PRKAR2A: variants seen among roughly 807,000 people sequenced by gnomAD.
PRKAR2A encodes the protein cAMP-dependent protein kinase type II-alpha regulatory subunit.
PRKAR2A carries 29 observed loss-of-function variants against 51.9 expected under a neutral mutation model. That is an observed-to-expected ratio of 0.56 (90% confidence interval 0.42 to 0.76). PRKAR2A has a LOEUF of 0.76. Among genes scored for constraint, PRKAR2A ranks in the 30% least tolerant of loss-of-function variants. PRKAR2A has a pLI of 0.00. For missense variants in PRKAR2A, 445 were observed against 512.1 expected (o/e 0.87, Z 1.26); for synonymous variants, 178 against 186.2 (o/e 0.96, Z 0.36).
At chr3:48,823,894 C>T (rs575777616) in intron 1 of PRKAR2A, among the ~76,000 whole-genome samples, 59 of 151,746 alleles carry the variant, frequency 3.9e-4, no homozygotes, top group Non-Finnish European at 7.4e-4. Context: ...GAAGAGGTTA[C>T]CACTACAAAA....
chr3:48,781,638 G>T (rs528124739), intron 5 of PRKAR2A, among the ~76,000 whole-genome samples: 1 of 151,760 alleles, frequency 6.6e-6, no homozygotes, highest in East Asian at 1.9e-4. Context: ...TCAGCCTCCC[G>T]AGTAGCTGGG....
At chr3:48,846,553 T>C (rs1029639409) in intron 1 of PRKAR2A, among the ~76,000 whole-genome samples, 4 of 152,172 alleles carry the variant, frequency 2.6e-5, no homozygotes, top group Admixed American at 1.3e-4. Flanking sequence ...AGGGTGTCTA[T>C]TTTGCCCAGG....
intron 1 of PRKAR2A, among the ~76,000 whole-genome samples, chr3:48,832,201 C>G (rs1316617809): frequency 2.7e-5 from 4 of 149,722 alleles, no homozygotes; most frequent in African/African-American, 7.4e-5. Context: ...GGCTGAGGCA[C>G]GAGAATCGCT....
At chr3:48,758,346 C>T (rs1023419311) in intron 8 of PRKAR2A, among the ~76,000 whole-genome samples, 13 of 151,356 alleles carry the variant, frequency 8.6e-5, no homozygotes, top group Non-Finnish European at 1.6e-4. Context: ...TGGGAGGCCA[C>T]GGCAGGCAGA....
chr3:48,768,320 G>GATAGATAC (rs966065698), intron 6 of PRKAR2A, among the ~76,000 whole-genome samples: 8 of 151,290 alleles, frequency 5.3e-5, no homozygotes, highest in Non-Finnish European at 8.8e-5. Context: ...TAGATAGATA[G>GATAGATAC]ATAGATAGAT....
intron 8 of PRKAR2A, among the ~76,000 whole-genome samples, chr3:48,762,263 A>T (rs1293384395): frequency 2.0e-5 from 3 of 152,180 alleles, no homozygotes; most frequent in East Asian, 1.9e-4. Context: ...TAATTTTTTT[A>T]AAAAAGGCTG....
chr3:48,783,829 C>T (rs1293555283), intron 4 of PRKAR2A, among the ~76,000 whole-genome samples: 14 of 152,164 alleles, frequency 9.2e-5, no homozygotes, highest in Admixed American at 3.3e-4. Flanking sequence ...AATCCACCCA[C>T]CTTGGCTTCC....
intron 2 of PRKAR2A, among the ~76,000 whole-genome samples, chr3:48,807,160 T>C (rs529142989): frequency 3.3e-5 from 5 of 152,246 alleles, no homozygotes; most frequent in African/African-American, 1.2e-4. Context: ...ATTAAGATAA[T>C]GGTGGAAAAG....
At chr3:48,773,231 A>T (rs959580177) in intron 5 of PRKAR2A, 123 bp from the exon 6 acceptor site, 16 of 743,902 alleles carry the variant, frequency 2.2e-5, no homozygotes, top group African/African-American at 9.0e-5. Flanking sequence ...GCTAGTATAT[A>T]AAAAAAACAT....
Position 48,847,590 on chromosome 3 carries a change from G to A in PRKAR2A, c.7C>T (p.His3Tyr). 1.1e-5 allele frequency: 16 copies of A among 1,496,076 alleles called. No homozygotes were observed. Among genetic ancestry groups the A allele is most frequent in the Non-Finnish European group, 1.4e-5 (16 of 1,129,580 alleles). 92.7% of individuals were successfully genotyped at this position (1,496,076 alleles called of 1,614,324 possible). MS[H>Y]IQIPPGLTEL... is the part of the protein sequence containing the mutation. Reference sequence around the variant, plus strand: ...GTGAGCCCCGGCGGGATCTGGATGTGGCTCATGCCGGCGGCGGCCGAAGGG... The same window carrying A: ...GTGAGCCCCGGCGGGATCTGGATGTAGCTCATGCCGGCGGCGGCCGAAGGG... The change falls in exon 1 of 11, where the codon CAC (histidine) becomes TAC (tyrosine). Residue 3 changes from histidine (H) to tyrosine (Y), a missense_variant. Transcript: ENST00000265563. The surrounding 1 kb of genome is among the most constrained non-coding windows in gnomAD (Gnocchi z 4.4).
Position 48,768,346 on chromosome 3 carries a change from G to GATAGAT in PRKAR2A, c.697-2998_697-2997insATCTAT, listed in dbSNP as rs1261376390. On this transcript the variant is annotated intron_variant, in intron 6 of 10. Transcript: ENST00000265563. ...ATAGATAGATAGATAGATAGATATA[G>GATAGAT]ACAGACAGAGAGACAGACAGACAGA... Among the ~76,000 whole-genome samples, 5 of 133,838 alleles carry GATAGAT rather than the reference G, an allele frequency of 3.7e-5. No individual in the cohort carries two copies. In the South Asian group the frequency reaches 1.2e-3, roughly 32 times the overall value. 87.8% of individuals were successfully genotyped at this position (133,838 alleles called of 152,430 possible). A position where few individuals can be genotyped will look rare whatever the true frequency, so the allele number is the denominator to read the frequency against.
In PRKAR2A at chr3:48,750,701, T is replaced by C. The variant is rs2081634033; in HGVS notation, c.*884A>G. ...ATGGTAGGAGTTGCCCAGGAAGGTA[T>C]TTGGGCTGGACAAAGTGATAGCAAC... On this transcript the variant is annotated 3_prime_UTR_variant, in exon 11 of 11. Coordinates refer to ENST00000265563, the MANE Select transcript of PRKAR2A (RefSeq NM_004157.4). 2 of 152,712 alleles carry C rather than the reference T, an allele frequency of 1.3e-5. No homozygotes were observed. The highest frequency in any genetic ancestry group is 6.5e-5 in the Admixed American group (1 of 15,286). The allele number at this position is 152,712 out of a possible 1,614,324, so 9.5% of individuals were successfully genotyped here.
intron 1 of PRKAR2A, among the ~76,000 whole-genome samples, chr3:48,817,815 C>T (rs890186210): frequency 2.0e-5 from 3 of 151,628 alleles, no homozygotes; most frequent in African/African-American, 7.3e-5. Flanking sequence ...ATTTGGTATG[C>T]TCTTTACAGC....
chr3:48,838,346 C>T (rs1173318332), intron 1 of PRKAR2A, among the ~76,000 whole-genome samples: 2 of 152,084 alleles, frequency 1.3e-5, no homozygotes, highest in Admixed American at 1.3e-4. Flanking sequence ...GTGGCTCACA[C>T]CTGTAATCCC....
At chr3:48,770,689 T>C (rs1381771937) in intron 6 of PRKAR2A, among the ~76,000 whole-genome samples, 1 of 151,778 alleles carries the variant, frequency 6.6e-6, no homozygotes, top group Non-Finnish European at 1.5e-5. Flanking sequence ...GGCAAGGAAA[T>C]AGAAAGAATA....
At chr3:48,770,288 G>A (rs977663827) in intron 6 of PRKAR2A, among the ~76,000 whole-genome samples, 31 of 152,262 alleles carry the variant, frequency 2.0e-4, no homozygotes, top group African/African-American at 7.5e-4. Context: ...AAAGAGAAAA[G>A]GAGTGCTACT....
At chr3:48,831,474 T>C (rs1204070797) in intron 1 of PRKAR2A, among the ~76,000 whole-genome samples, 1 of 151,496 alleles carries the variant, frequency 6.6e-6, no homozygotes. Flanking sequence ...TCAAGTTATC[T>C]TCCCACCTCA....
chr3:48,779,991 C>A (rs554955939), intron 5 of PRKAR2A, among the ~76,000 whole-genome samples: 1 of 151,378 alleles, frequency 6.6e-6, no homozygotes, highest in African/African-American at 2.4e-5. Flanking sequence ...GAAACCCCAT[C>A]TCTACTAAAA....
chr3:48,843,518 G>T (rs1157586400), intron 1 of PRKAR2A, among the ~76,000 whole-genome samples: 1 of 151,968 alleles, frequency 6.6e-6, no homozygotes, highest in Non-Finnish European at 1.5e-5. Flanking sequence ...AAAAGAGCCC[G>T]CATCGCCAAG....
Sources: gnomAD v4.1 joint callset for allele counts (sites outside exome capture counted in the v4.1 genomes callset) on GRCh38, gnomAD v4.1.1 for gene constraint, Gnocchi (gnomAD v3.1) non-coding constraint, MANE v1.5 for transcripts, NCBI Gene and HGNC (gene_info 2026-07-23, HGNC 2026-07-21) for gene names.